The following AKAP19 variants were observed in gnomAD, a reference collection of about 807,000 sequenced individuals.
AKAP19 encodes the protein small A-kinase anchoring protein.
the AKAP19 span, among the ~76,000 whole-genome samples, chr2:189,952,140 C>G: frequency 6.6e-6 from 1 of 152,204 alleles, no homozygotes; most frequent in Non-Finnish European, 1.5e-5. Context: ...GGTATACACA[C>G]TTTTGAGCCT....
the AKAP19 span, among the ~76,000 whole-genome samples, chr2:190,020,368 AG>A: frequency 1.3e-5 from 2 of 152,218 alleles, no homozygotes; most frequent in African/African-American, 4.8e-5. Context: ...GTGAAGTTAT[AG>A]CTTTATTTCT....
At chr2:189,953,573 G>C in the AKAP19 span, among the ~76,000 whole-genome samples, 1 of 145,700 alleles carries the variant, frequency 6.9e-6, no homozygotes, top group Non-Finnish European at 1.5e-5. Flanking sequence ...GGCGGAAGTT[G>C]CAGTGAGCCC....
the AKAP19 span, among the ~76,000 whole-genome samples, chr2:189,899,195 T>C: frequency 2.4e-4 from 36 of 152,308 alleles, no homozygotes; most frequent in East Asian, 5.8e-3. Flanking sequence ...GAGAATTCTT[T>C]CTTGATTTCC....
the AKAP19 span, among the ~76,000 whole-genome samples, chr2:190,004,489 C>A: frequency 9.1e-6 from 1 of 109,782 alleles, no homozygotes; most frequent in African/African-American, 2.7e-5. Flanking sequence ...TATTATTATT[C>A]TCCAGCAGAT....
At chr2:190,053,503 A>G in the AKAP19 span, among the ~76,000 whole-genome samples, 7 of 152,286 alleles carry the variant, frequency 4.6e-5, no homozygotes, top group African/African-American at 1.7e-4. Context: ...TAAATTTAGT[A>G]CCATTTTTCA....
the AKAP19 span, chr2:190,200,191 GAA>G: frequency 1.9e-6 from 3 of 1,549,178 alleles, 1 homozygote; most frequent in South Asian, 3.5e-5. Flanking sequence ...GTGCTAGTTT[GAA>G]TAAATGTGAC....
chr2:190,199,827 G>A, the AKAP19 span: 3 of 1,602,360 alleles, frequency 1.9e-6, no homozygotes, highest in South Asian at 1.1e-5. Context: ...AGTAGTCTTT[G>A]CCACTGCTTC....
the AKAP19 span, among the ~76,000 whole-genome samples, chr2:189,899,186 A>G: frequency 6.6e-6 from 1 of 152,164 alleles, no homozygotes; most frequent in African/African-American, 2.4e-5. Context: ...TTACTTATTG[A>G]GAATTCTTTC....
At chr2:189,894,777 T>C in the AKAP19 span, among the ~76,000 whole-genome samples, 1 of 151,446 alleles carries the variant, frequency 6.6e-6, no homozygotes, top group Non-Finnish European at 1.5e-5. Context: ...CTCATTTTCT[T>C]AATGTGAAAG....
At chr2:190,001,036 T>C in the AKAP19 span, among the ~76,000 whole-genome samples, 16 of 152,226 alleles carry the variant, frequency 1.1e-4, no homozygotes, top group Admixed American at 1.0e-3. Flanking sequence ...TTCTTCAGAT[T>C]GTATAATGTA....
the AKAP19 span, among the ~76,000 whole-genome samples, chr2:190,140,667 G>T: frequency 2.0e-5 from 3 of 152,178 alleles, no homozygotes; most frequent in African/African-American, 7.2e-5. Context: ...GGAGGCCCTG[G>T]ACCCGGCCCA....
the AKAP19 span, among the ~76,000 whole-genome samples, chr2:190,191,102 G>A: frequency 1.3e-5 from 2 of 152,020 alleles, no homozygotes; most frequent in African/African-American, 4.8e-5. Context: ...TCAACTTTTG[G>A]CAATTATAAA....
the AKAP19 span, among the ~76,000 whole-genome samples, chr2:190,135,540 A>G: frequency 6.6e-6 from 1 of 152,176 alleles, no homozygotes; most frequent in Non-Finnish European, 1.5e-5. Context: ...TAGAAATTTT[A>G]AAACTGGAAG....
At chr2:190,118,772 G>A in the AKAP19 span, among the ~76,000 whole-genome samples, 1 of 152,164 alleles carries the variant, frequency 6.6e-6, no homozygotes, top group African/African-American at 2.4e-5. Flanking sequence ...TACTGAATGG[G>A]CAAAAACTGG....
chr2:189,948,165 A>G, the AKAP19 span, among the ~76,000 whole-genome samples: 1 of 152,204 alleles, frequency 6.6e-6, no homozygotes, highest in Non-Finnish European at 1.5e-5. Context: ...AATGTATAGC[A>G]TTCTTCATGT....
At chr2:190,181,084 C>T in the AKAP19 span, 1 of 985,580 alleles carries the variant, frequency 1.0e-6, no homozygotes, top group Non-Finnish European at 1.2e-6. Context: ...GTGCCATGGG[C>T]GCGCAGCTGC....
chr2:190,173,118 A>AAAAAT, the AKAP19 span, among the ~76,000 whole-genome samples: 1,245 of 150,058 alleles, frequency 8.3e-3, 9 homozygotes, highest in Middle Eastern at 0.024. Context: ...CCATCTCAAA[A>AAAAAT]AAAATAAAAT....
the AKAP19 span, among the ~76,000 whole-genome samples, chr2:190,075,248 T>C: frequency 6.6e-6 from 1 of 152,216 alleles, no homozygotes; most frequent in Non-Finnish European, 1.5e-5. Context: ...AATCAGAGAA[T>C]GTAGTTGGTA....
chr2:189,981,164 A>G, the AKAP19 span, among the ~76,000 whole-genome samples: 6 of 151,814 alleles, frequency 4.0e-5, no homozygotes, highest in Non-Finnish European at 7.4e-5. Flanking sequence ...GTCTAGCAGT[A>G]TTTGTTTTTT....
Sources: gnomAD v4.1 joint callset for allele counts (sites outside exome capture counted in the v4.1 genomes callset) on GRCh38, gnomAD v4.1.1 for gene constraint, MANE v1.5 for transcripts, NCBI Gene and HGNC (gene_info 2026-07-23, HGNC 2026-07-21) for gene names.